The following POLA1 variants were observed in gnomAD, a reference collection of about 807,000 sequenced individuals.
The protein encoded by POLA1 is DNA polymerase alpha catalytic subunit.
POLA1 carries 15 observed loss-of-function variants against 124.0 expected under a neutral mutation model. The ratio of observed to expected loss-of-function variants is 0.12; its 90% CI spans 0.08 to 0.19. The LOEUF is 0.19. Ranked by LOEUF, POLA1 falls within the 10% of genes least tolerant of loss-of-function variation. The pLI is 1.00. For synonymous variants in POLA1, 408 were observed against 389.4 expected (o/e 1.05, Z -0.56); for missense variants, 886 against 1,103.4 (o/e 0.80, Z 2.79).
intron 35 of POLA1, among the ~76,000 whole-genome samples, chrX:24,903,246 A>G (rs2047306707): frequency 8.8e-6 from 1 of 113,019 alleles, no homozygotes; most frequent in Admixed American, 9.4e-5. Flanking sequence ...ATAAATTCTC[A>G]TATTCAAAAC....
chrX:24,881,930 G>A (rs917894861), intron 34 of POLA1, among the ~76,000 whole-genome samples: 2 of 111,563 alleles, frequency 1.8e-5, no homozygotes, highest in Non-Finnish European at 3.8e-5. Flanking sequence ...AAAGGGCAGG[G>A]GAGTGGGATG....
chrX:24,948,193 C>T (rs894548479), intron 36 of POLA1, among the ~76,000 whole-genome samples: 2 of 111,409 alleles, frequency 1.8e-5, no homozygotes, highest in South Asian at 3.8e-4. Context: ...TCAATTCTTC[C>T]GACTGATGAA....
At chrX:24,883,000 C>T (rs2047022474) in intron 34 of POLA1, among the ~76,000 whole-genome samples, 1 of 111,527 alleles carries the variant, frequency 9.0e-6, no homozygotes, top group African/African-American at 3.3e-5. Context: ...TCTCTGCAGC[C>T]TTGCCAGCAT....
intron 34 of POLA1, among the ~76,000 whole-genome samples, chrX:24,849,272 G>C (rs375821359): frequency 4.6e-4 from 52 of 112,668 alleles, no homozygotes; most frequent in African/African-American, 1.5e-3. Context: ...ATGCTGCCCA[G>C]CAGCGCTTGA....
At chrX:24,939,311 G>A (rs998938748) in intron 36 of POLA1, among the ~76,000 whole-genome samples, 16 of 111,864 alleles carry the variant, frequency 1.4e-4, no homozygotes, top group Admixed American at 1.9e-4. Context: ...GAAACAATTC[G>A]CAAGCAGTTA....
intron 26 of POLA1, among the ~76,000 whole-genome samples, chrX:24,801,915 A>AG: frequency 2.1e-5 from 1 of 47,381 alleles, no homozygotes; most frequent in South Asian, 1.3e-3. Context: ...CCACTAGGAG[A>AG]GGTGGGTGGG....
At chrX:24,993,257 C>T (rs11573525) in intron 36 of POLA1, among the ~76,000 whole-genome samples, 18,793 of 111,685 alleles carry the variant, frequency 0.17, 1,144 homozygotes, top group South Asian at 0.41. Flanking sequence ...ATTTCCTCCC[C>T]GATCTCGACA....
At chrX:24,833,053 A>G (rs1202922995) in intron 32 of POLA1, among the ~76,000 whole-genome samples, 1 of 108,964 alleles carries the variant, frequency 9.2e-6, no homozygotes, top group African/African-American at 3.3e-5. Flanking sequence ...TTTATTTCTC[A>G]CCCCCATCCC....
At chrX:24,701,869 T>G (rs1014648040) in intron 2 of POLA1, among the ~76,000 whole-genome samples, 3 of 109,677 alleles carry the variant, frequency 2.7e-5, no homozygotes, top group Non-Finnish European at 5.7e-5. Flanking sequence ...TTCTCCTGCT[T>G]CAGCCTCCTG....
At chrX:24,842,569 C>A (rs946153628) in intron 33 of POLA1, among the ~76,000 whole-genome samples, 2 of 112,501 alleles carry the variant, frequency 1.8e-5, no homozygotes, top group Middle Eastern at 4.6e-3. Context: ...AGATGTTTTG[C>A]ATTTTTTTGA....
chrX:24,765,144 C>A, intron 26 of POLA1, among the ~76,000 whole-genome samples: 1 of 110,843 alleles, frequency 9.0e-6, no homozygotes, highest in Non-Finnish European at 1.9e-5. Flanking sequence ...TCTTCACACA[C>A]ATGAATTCTG....
At chrX:24,875,261 G>C (rs1331552272) in intron 34 of POLA1, among the ~76,000 whole-genome samples, 1 of 111,595 alleles carries the variant, frequency 9.0e-6, no homozygotes, top group Non-Finnish European at 1.9e-5. Context: ...TTATATGTAA[G>C]GGTTTCTTGA....
intron 31 of POLA1, among the ~76,000 whole-genome samples, chrX:24,822,472 A>G (rs2046105798): frequency 8.9e-6 from 1 of 112,906 alleles, no homozygotes; most frequent in Admixed American, 9.3e-5. Flanking sequence ...AATATGATTG[A>G]TATTTGTCAA....
intron 4 of POLA1, among the ~76,000 whole-genome samples, chrX:24,712,220 G>A (rs1397028135): frequency 9.0e-6 from 1 of 110,756 alleles, no homozygotes. Context: ...CAAGTAGCTG[G>A]GACTACAGGT....
chrX:24,798,181 A>G (rs751023426), intron 26 of POLA1, among the ~76,000 whole-genome samples: 1 of 111,891 alleles, frequency 8.9e-6, no homozygotes, highest in African/African-American at 3.2e-5. Context: ...TCTCAACTTG[A>G]TCTTTGTTTG....
chrX:24,947,217 A>T (rs1460897237), intron 36 of POLA1, among the ~76,000 whole-genome samples: 1 of 82,666 alleles, frequency 1.2e-5, no homozygotes, highest in Non-Finnish European at 2.3e-5. Context: ...TATACATTTG[A>T]TAGCAGCTGG....
intron 35 of POLA1, among the ~76,000 whole-genome samples, chrX:24,907,808 A>G (rs184461592): frequency 2.7e-5 from 3 of 112,333 alleles, no homozygotes; most frequent in Non-Finnish European, 3.8e-5. Context: ...AATGGGAAGT[A>G]TAATAGACTA....
chrX:24,696,936 C>A (rs1238062399), intron 1 of POLA1, among the ~76,000 whole-genome samples: 1 of 111,256 alleles, frequency 9.0e-6, no homozygotes, highest in Non-Finnish European at 1.9e-5. Flanking sequence ...GCTTGTGCCA[C>A]TTTTTACTTT....
intron 26 of POLA1, among the ~76,000 whole-genome samples, chrX:24,790,591 A>C (rs899740440): frequency 9.0e-6 from 1 of 111,054 alleles, no homozygotes; most frequent in African/African-American, 3.3e-5. Flanking sequence ...AGATGTCGTC[A>C]GTTTGGCTTC....
Sources: gnomAD v4.1 joint callset for allele counts (sites outside exome capture counted in the v4.1 genomes callset) on GRCh38, gnomAD v4.1.1 for gene constraint, MANE v1.5 for transcripts, NCBI Gene and HGNC (gene_info 2026-07-23, HGNC 2026-07-21) for gene names.